The following SPAG7 variants were observed in gnomAD, a reference collection of about 807,000 sequenced individuals.
SPAG7 encodes the protein sperm associated antigen 7.
A neutral mutation model predicts 30.6 loss-of-function variants in SPAG7; 20 were observed. The observed-to-expected ratio is 0.65, with a 90% CI of 0.46 to 0.95. The LOEUF (loss-of-function observed/expected upper bound fraction) is 0.95, where lower values mean the gene tolerates loss of function less well. SPAG7 is among the 40% of genes least tolerant of loss of function. The probability of loss-of-function intolerance (pLI) is 0.00; values close to 1 mark genes in which losing one functional copy is unlikely to be tolerated. For synonymous variants in SPAG7, 127 were observed against 104.2 expected (o/e 1.22, Z -1.33); for missense variants, 276 against 291.1 (o/e 0.95, Z 0.38).
intron 5 of SPAG7, 43 bp from the exon 6 acceptor site, chr17:4,959,959 CA>C: frequency 6.2e-7 from 1 of 1,613,144 alleles, no homozygotes; most frequent in South Asian, 1.1e-5. Context: ...GGCCCCAGCC[CA>C]AACCCCCACC....
intron 1 of SPAG7, chr17:4,966,434 A>G (rs1971952946): frequency 2.8e-6 from 1 of 354,060 alleles, no homozygotes. Flanking sequence ...CGAGTGACTC[A>G]TTTAAGCTTC....
intron 5 of SPAG7, 27 bp downstream of exon 5, chr17:4,959,995 C>T (rs777624239): frequency 4.3e-6 from 7 of 1,613,808 alleles, no homozygotes; most frequent in Middle Eastern, 1.6e-4. Context: ...GGCTTCTGGA[C>T]CCCAAGGGCT....
chr17:4,959,712 C>T lies in SPAG7; in HGVS notation c.574+48G>A, dbSNP rs771110826. ...CTCAGCCTCCACTGCCCTCCTGCCGCATCCTATGCTCCTCTCCCAGCCACC... is the reference window on the plus strand; with the variant it reads ...CTCAGCCTCCACTGCCCTCCTGCCGTATCCTATGCTCCTCTCCCAGCCACC... On this transcript the variant is annotated intron_variant, in intron 6 of 6. Coordinates refer to ENST00000206020, the MANE Select transcript of SPAG7 (RefSeq NM_004890.3). 15 of 1,614,040 alleles carry T rather than the reference C, an allele frequency of 9.3e-6. 1 individual carries two copies. Among genetic ancestry groups the T allele is most frequent in the South Asian group, 4.4e-5 (4 of 91,084 alleles).
In SPAG7 at chr17:4,967,722, C is replaced by T; in HGVS notation, c.83G>A (p.Arg28Gln). The part of the protein sequence containing the change: ...LGDQETRRKA[R>Q]EQAARLKKLQ... ...GGTTGTGAATTTGGGATCCTCACCT[C>T]GGGCCTTGCGCCGAGTCTCCTGGTC... The change falls in exon 1 of 7, where the codon CGA (arginine) becomes CAA (glutamine). Residue 28 changes from arginine to glutamine, a missense_variant and splice_region_variant. Coordinates refer to ENST00000206020, the MANE Select transcript of SPAG7 (RefSeq NM_004890.3). The T allele has an allele frequency of 6.2e-7, 1 of 1,613,170 alleles. No individual in the cohort carries two copies. Among genetic ancestry groups the T allele is most frequent in the Non-Finnish European group, 8.5e-7 (1 of 1,179,174 alleles).
At chr17:4,964,896 C>T (rs972002827) in intron 1 of SPAG7, among the ~76,000 whole-genome samples, 21 of 147,976 alleles carry the variant, frequency 1.4e-4, no homozygotes, top group African/African-American at 4.5e-4. Flanking sequence ...CCACCACACC[C>T]GGCTAATTTT....
At chr17:4,964,578 G>A (rs1971918118) in intron 1 of SPAG7, among the ~76,000 whole-genome samples, 2 of 151,902 alleles carry the variant, frequency 1.3e-5, no homozygotes, top group African/African-American at 4.8e-5. Context: ...AGCCAGGATG[G>A]TCTTGATCTC....
intron 1 of SPAG7, chr17:4,965,789 T>C (rs145105512): frequency 2.0e-5 from 3 of 152,214 alleles, no homozygotes; most frequent in East Asian, 1.9e-4. Context: ...CTCCCGAGAA[T>C]TGGGACCATA....
chr17:4,964,124 C>G (rs181156270), intron 1 of SPAG7, among the ~76,000 whole-genome samples: 228 of 152,178 alleles, frequency 1.5e-3, no homozygotes, highest in African/African-American at 5.2e-3. Flanking sequence ...AGTCCCCTCG[C>G]CTGGCTAAGG....
rs200230852 is a variant in SPAG7, at chr17:4,959,540, G to T, written c.678C>A (p.Thr226=). 1,618 of 1,612,712 alleles carry T rather than the reference G, an allele frequency of 1.0e-3. 3 individuals carry two copies. Among genetic ancestry groups the T allele is most frequent in the Non-Finnish European group, 1.1e-3 (1,323 of 1,179,598 alleles). Residue 226 remains threonine, a synonymous_variant, in exon 7 of 7, where the codon ACC becomes ACA. Coordinates refer to ENST00000206020, the MANE Select transcript of SPAG7 (RefSeq NM_004890.3). ...LRQSGEELPP[T]S Reference sequence around the variant, plus strand: ...AGGGAGCTGGGCGGGGCGCCTAGGAGGTTGGCGGCAACTCTTCCCCACTCT... The same window carrying T: ...AGGGAGCTGGGCGGGGCGCCTAGGATGTTGGCGGCAACTCTTCCCCACTCT...
intron 2 of SPAG7, 27 bp from the exon 3 acceptor site, chr17:4,960,574 A>T (rs528260556): frequency 6.4e-7 from 1 of 1,571,380 alleles, no homozygotes; most frequent in Admixed American, 1.7e-5. Context: ...GGAAGCAGAT[A>T]TGAGACAATG....
intron 1 of SPAG7, among the ~76,000 whole-genome samples, chr17:4,964,902 AT>A (rs1416819863): frequency 6.9e-5 from 10 of 144,296 alleles, no homozygotes; most frequent in Admixed American, 2.8e-4. Flanking sequence ...CACCCGGCTA[AT>A]TTTTTTTTTC....
chr17:4,967,607 A>T (rs920472965), intron 1 of SPAG7, 113 bp downstream of exon 1: 3 of 799,820 alleles, frequency 3.8e-6, no homozygotes, highest in Non-Finnish European at 6.4e-6. Context: ...AGGGTCTCGG[A>T]AGGGGCCTGT....
At chr17:4,959,666 G>A (rs80259031) in intron 6 of SPAG7, 23 bp from the exon 7 acceptor site, 60,261 of 1,613,210 alleles carry the variant, frequency 0.037, 1,297 homozygotes, top group Non-Finnish European at 0.042. Context: ...AGGAGGGTAG[G>A]GCGGGCCTAG....
At position 4,967,775 on chromosome 17, in the gene SPAG7, G is replaced by A; in HGVS notation, c.30C>T (p.Ser10=). The change falls in exon 1 of 7, where the codon AGC becomes AGT. Residue 10 remains serine, a synonymous_variant. Coordinates refer to ENST00000206020, the MANE Select transcript of SPAG7 (RefSeq NM_004890.3). ...CGAGGCTGGGTGGCTTCTCCATGGA[G>A]CTCAGGATGGAGCCCAGTAGGTCCG... MADLLGSIL[S]SMEKPPSLGD... The A allele has an allele frequency of 4.3e-6, 7 of 1,614,104 alleles. No homozygotes were observed. The highest frequency in any genetic ancestry group is 5.9e-6 in the Non-Finnish European group (7 of 1,179,954).
chr17:4,964,408 C>T (rs1432928655), intron 1 of SPAG7, among the ~76,000 whole-genome samples: 1 of 137,876 alleles, frequency 7.3e-6, no homozygotes, highest in East Asian at 2.1e-4. Context: ...GTCGCCCAGG[C>T]TGGAGTGCAG....
chr17:4,961,704 G>C (rs1292282781), intron 1 of SPAG7, among the ~76,000 whole-genome samples: 1 of 146,832 alleles, frequency 6.8e-6, no homozygotes, highest in Non-Finnish European at 1.5e-5. Flanking sequence ...GGCGGAGCTT[G>C]CAGTGAGCAG....
intron 1 of SPAG7, chr17:4,966,908 G>A (rs1971963951): frequency 1.0e-6 from 1 of 985,544 alleles, no homozygotes; most frequent in South Asian, 4.7e-5. Flanking sequence ...CCGTGGTCAA[G>A]GTCCGCAGGT....
chr17:4,967,644 G>C, intron 1 of SPAG7, 76 bp downstream of exon 1: 1 of 1,131,814 alleles, frequency 8.8e-7, no homozygotes, highest in East Asian at 2.4e-5. Context: ...TTGAGGAGGC[G>C]GCATCGTCCA....
At position 4,959,765 on chromosome 17, in the gene SPAG7, C is replaced by T; in HGVS notation, c.569G>A (p.Gly190Asp). 6.2e-7 allele frequency: 1 copy of T among 1,614,214 alleles called. No individual in the cohort carries two copies. Among genetic ancestry groups the T allele is most frequent in the Non-Finnish European group, 8.5e-7 (1 of 1,180,032 alleles). ...AHMLQANKTYGCVPVANKRDT... is the reference protein window; with the variant it reads ...AHMLQANKTYDCVPVANKRDT... ...CAGCCGCACTGTGGCCTCACCACAG[C>T]CGTAGGTCTTATTGGCCTGTAGCAT... The change falls in exon 6 of 7, where the codon GGC (glycine) becomes GAC (aspartate). Residue 190 changes from glycine to aspartate, a missense_variant. Coordinates refer to ENST00000206020, the MANE Select transcript of SPAG7 (RefSeq NM_004890.3).
Sources: gnomAD v4.1 joint callset for allele counts (sites outside exome capture counted in the v4.1 genomes callset) on GRCh38, gnomAD v4.1.1 for gene constraint, MANE v1.5 for transcripts, NCBI Gene and HGNC (gene_info 2026-07-23, HGNC 2026-07-21) for gene names.